PEAK1: variants seen among roughly 807,000 people sequenced by gnomAD.
PEAK1 encodes pseudopodium enriched atypical kinase 1.
Under a neutral mutation model 124.7 loss-of-function variants are expected in PEAK1, and 54 were observed. The ratio of observed to expected loss-of-function variants is 0.43; its 90% CI spans 0.35 to 0.54. The LOEUF (loss-of-function observed/expected upper bound fraction) is 0.54. Ranked by LOEUF, PEAK1 falls within the 20% of genes least tolerant of loss-of-function variation. The pLI, the probability that PEAK1 is intolerant of heterozygous loss-of-function variation, is 0.01. For missense variants in PEAK1, 2,046 were observed against 2,134.5 expected, an observed-to-expected ratio of 0.96 and a Z score of 0.82; for synonymous variants, 719 against 760.0, an observed-to-expected ratio of 0.95 and a Z score of 0.89.
Position 77,114,731 on chromosome 15 carries a change from A to C in PEAK1, c.4666T>G (p.Phe1556Val). Residue 1556 changes from phenylalanine (F) to valine (V), a missense_variant, in exon 10 of 10, where the codon TTC becomes GTC. By Grantham distance (50) the Phe-to-Val change is conservative. Transcript: ENST00000682557. ...TGGCTCTTCTGCTTGGCCTGAGAGAAGTTGCTCACTATAAGCCTAGTGGGA... is the reference window on the plus strand; with the variant it reads ...TGGCTCTTCTGCTTGGCCTGAGAGACGTTGCTCACTATAAGCCTAGTGGGA... ...SYPTRLIVSN[F>V]SQAKQKSHLV... 6.2e-7 allele frequency: 1 copy of C among 1,612,540 alleles called. No homozygotes were observed. The highest frequency in any genetic ancestry group is 1.7e-5 in the Admixed American group (1 of 59,890).
chr15:77,161,574 A>C (rs2055644277), intron 7 of PEAK1, among the ~76,000 whole-genome samples: 1 of 152,262 alleles, frequency 6.6e-6, no homozygotes, highest in South Asian at 2.1e-4. Flanking sequence ...TTTAATCTGC[A>C]TTTACAGTGA....
intron 7 of PEAK1, among the ~76,000 whole-genome samples, chr15:77,160,932 G>C (rs1328601515): frequency 6.6e-6 from 1 of 152,040 alleles, no homozygotes; most frequent in Non-Finnish European, 1.5e-5. Flanking sequence ...TTCATCCTAG[G>C]CAATGGGCTA....
At chr15:77,178,716 T>TA in intron 7 of PEAK1, 74 bp downstream of exon 7, 2 of 1,424,634 alleles carry the variant, frequency 1.4e-6, no homozygotes, top group Non-Finnish European at 1.9e-6. Context: ...TATGCAATCT[T>TA]AAAAGATATA....
Position 77,348,084 on chromosome 15 carries a change from T to C in PEAK1, c.-603+17079A>G, listed in dbSNP as rs1039440852. On this transcript the variant is annotated intron_variant, in intron 2 of 9. Transcript: ENST00000682557. ...CTACAAAAACATTTTGGTCAGACAT[T>C]ATTCATCTAGAGAAAAAAAGAAAGA... is the stretch of plus-strand genomic sequence containing the variant. 7 of 984,630 alleles carry C rather than the reference T, an allele frequency of 7.1e-6. No homozygotes were observed. In the East Asian group the frequency reaches 5.7e-4, roughly 80 times the overall value. The allele number at this position is 984,630 out of a possible 1,614,324, so 61.0% of individuals were successfully genotyped here.
At chr15:77,320,440 C>A (rs1409606853) in intron 2 of PEAK1, among the ~76,000 whole-genome samples, 1 of 152,108 alleles carries the variant, frequency 6.6e-6, no homozygotes, top group East Asian at 1.9e-4. Context: ...GTAATGACTA[C>A]CAAACTCTCT....
chr15:77,234,621 AATGG>A (rs1185691198), intron 6 of PEAK1, among the ~76,000 whole-genome samples: 1 of 152,134 alleles, frequency 6.6e-6, no homozygotes, highest in African/African-American at 2.4e-5. Context: ...CACAGAAATG[AATGG>A]ATGAACACAC....
At chr15:77,338,296 C>T (rs902539896) in intron 2 of PEAK1, among the ~76,000 whole-genome samples, 15 of 152,180 alleles carry the variant, frequency 9.9e-5, no homozygotes, top group African/African-American at 3.6e-4. Context: ...TTAGGTTCAA[C>T]TCATCCCATC....
chr15:77,187,256 A>C (rs1338446751), intron 6 of PEAK1, among the ~76,000 whole-genome samples: 1 of 152,186 alleles, frequency 6.6e-6, no homozygotes, highest in African/African-American at 2.4e-5. Context: ...TTCAGGACCA[A>C]AGCCCTTCAG....
At chr15:77,417,590 T>G in intron 1 of PEAK1, 1 of 985,406 alleles carries the variant, frequency 1.0e-6, no homozygotes, top group Non-Finnish European at 1.2e-6. Flanking sequence ...AGCCTTGTAC[T>G]CACACTTGGC....
downstream of PEAK1, chr15:77,103,756 C>T (rs1259679405): frequency 2.0e-5 from 3 of 152,230 alleles, no homozygotes; most frequent in African/African-American, 7.2e-5. Flanking sequence ...CCTGGGAGGC[C>T]CCTCTGTAGG....
At chr15:77,329,716 C>T (rs2065788790) in intron 2 of PEAK1, among the ~76,000 whole-genome samples, 1 of 152,156 alleles carries the variant, frequency 6.6e-6, no homozygotes. Flanking sequence ...CACAGTTTTT[C>T]ATCACTGAGT....
chr15:77,304,121 A>G (rs1269762994), intron 2 of PEAK1, among the ~76,000 whole-genome samples: 1 of 152,204 alleles, frequency 6.6e-6, no homozygotes, highest in East Asian at 1.9e-4. Context: ...TGTGAGTACT[A>G]CAACTTTGCC....
At chr15:77,319,490 G>T (rs1238318456) in intron 2 of PEAK1, among the ~76,000 whole-genome samples, 1 of 152,156 alleles carries the variant, frequency 6.6e-6, no homozygotes, top group Non-Finnish European at 1.5e-5. Flanking sequence ...GGTTGTAACT[G>T]CCAGACAGGA....
chr15:77,181,976 A>G lies in PEAK1; in HGVS notation c.-50T>C, dbSNP rs376174357. 22 of 1,510,072 alleles carry G rather than the reference A, an allele frequency of 1.5e-5. No individual in the cohort carries two copies. The African/African-American group carries it at 2.5e-4, about 17-fold the overall frequency. The allele number at this position is 1,510,072 out of a possible 1,614,324, so 93.5% of individuals were successfully genotyped here. A position where few individuals can be genotyped will look rare whatever the true frequency, so the allele number is the denominator to read the frequency against. On this transcript the variant is annotated 5_prime_UTR_variant, in exon 7 of 10. Transcript: ENST00000682557. ...AATGCTTTTCTTTCAGTGCATGACA[A>G]AACTTTCATCTGTTAGTTTTCACTT...
Position 77,108,884 on chromosome 15 carries a change from G to C in PEAK1, c.*5272C>G, listed in dbSNP as rs1021883848. The C allele has an allele frequency of 5.3e-5, 8 of 152,208 alleles. No individual in the cohort carries two copies. Among genetic ancestry groups the C allele is most frequent in the African/African-American group, 1.9e-4 (8 of 41,464 alleles). 9.4% of individuals were successfully genotyped at this position (152,208 alleles called of 1,614,324 possible). On this transcript the variant is annotated 3_prime_UTR_variant, in exon 10 of 10. Coordinates refer to ENST00000682557, the MANE Select transcript of PEAK1 (RefSeq NM_001385026.1). ...AATAAACCCAGAGACTTTCTGGAGT[G>C]GGAAACATGTAATGGGATGTTGGGA... is the stretch of plus-strand genomic sequence containing the variant.
At chr15:77,309,656 TATTTAATCCACCAA>T (rs2064314762) in intron 2 of PEAK1, among the ~76,000 whole-genome samples, 1 of 152,146 alleles carries the variant, frequency 6.6e-6, no homozygotes, top group African/African-American at 2.4e-5. Context: ...CCCCACCCTT[TATTTAATCCACCAA>T]AAAAGCCTAA....
intron 2 of PEAK1, among the ~76,000 whole-genome samples, chr15:77,310,134 G>A (rs549328435): frequency 6.6e-6 from 1 of 152,280 alleles, no homozygotes; most frequent in East Asian, 1.9e-4. Context: ...TTGAATAGAG[G>A]TGGCTGGACT....
At chr15:77,406,880 A>G (rs2071866898) in intron 1 of PEAK1, among the ~76,000 whole-genome samples, 1 of 152,242 alleles carries the variant, frequency 6.6e-6, no homozygotes, top group African/African-American at 2.4e-5. Flanking sequence ...ACTATACTGT[A>G]AGGCTACAGT....
At chr15:77,416,265 C>G (rs2072877915) in intron 1 of PEAK1, among the ~76,000 whole-genome samples, 1 of 152,214 alleles carries the variant, frequency 6.6e-6, no homozygotes, top group South Asian at 2.1e-4. Context: ...TTCTCTTCAG[C>G]TGCTTGCCCA....
Sources: allele counts gnomAD v4.1 joint callset (sites outside exome capture counted in the v4.1 genomes callset), GRCh38; gene constraint gnomAD v4.1.1; transcripts MANE v1.5; gene names NCBI Gene and HGNC (gene_info 2026-07-23, HGNC 2026-07-21).